ROBO1: variants seen among roughly 807,000 people sequenced by gnomAD.
ROBO1 encodes the protein roundabout guidance receptor 1.
ROBO1 carries 149 observed loss-of-function variants against 195.9 expected under a neutral mutation model. The observed-to-expected ratio is 0.76, with a 90% CI of 0.67 to 0.87. The LOEUF is 0.87. Ranked by LOEUF, ROBO1 falls within the 40% of genes least tolerant of loss-of-function variation. The pLI is 0.00. For missense variants in ROBO1, 1,933 were observed against 2,068.3 expected (o/e 0.93, Z 1.27); for synonymous variants, 816 against 733.2 (o/e 1.11, Z -1.82).
chr3:79,287,922 A>T (rs1234837209), intron 2 of ROBO1, among the ~76,000 whole-genome samples: 1 of 151,954 alleles, frequency 6.6e-6, no homozygotes, highest in East Asian at 1.9e-4. Flanking sequence ...TATTGATGTA[A>T]ATTGAATTCA....
intron 2 of ROBO1, among the ~76,000 whole-genome samples, chr3:79,577,036 G>A (rs1394740115): frequency 6.6e-6 from 1 of 151,940 alleles, no homozygotes; most frequent in Non-Finnish European, 1.5e-5. Flanking sequence ...TCTGGTCTAT[G>A]TTTTCAATCG....
intron 3 of ROBO1, among the ~76,000 whole-genome samples, chr3:78,944,364 GCT>G (rs993684828): frequency 6.6e-6 from 1 of 152,202 alleles, no homozygotes; most frequent in African/African-American, 2.4e-5. Context: ...GAGCTCTCCT[GCT>G]CTCTTTTTCT....
chr3:79,430,267 TTCA>T (rs1361348787), intron 2 of ROBO1, among the ~76,000 whole-genome samples: 1 of 152,072 alleles, frequency 6.6e-6, no homozygotes, highest in Non-Finnish European at 1.5e-5. Context: ...AGAAATTAAG[TTCA>T]ATAAAAATAA....
intron 2 of ROBO1, among the ~76,000 whole-genome samples, chr3:79,144,519 C>G (rs1351419588): frequency 1.3e-5 from 2 of 151,086 alleles, no homozygotes; most frequent in East Asian, 1.9e-4. Flanking sequence ...TTAAATCCTT[C>G]TTTTCTTTAT....
chr3:79,572,646 G>A (rs958367227), intron 2 of ROBO1, among the ~76,000 whole-genome samples: 14 of 152,018 alleles, frequency 9.2e-5, no homozygotes, highest in Non-Finnish European at 1.9e-4. Context: ...GACATATGTA[G>A]ATTATATCCT....
intron 4 of ROBO1, among the ~76,000 whole-genome samples, chr3:78,885,940 T>TATATATATATATATAC (rs1043908565): frequency 2.1e-5 from 3 of 140,806 alleles, no homozygotes; most frequent in African/African-American, 5.2e-5. Context: ...TATATATATA[T>TATATATATATATATAC]ACATACATAT....
At chr3:79,135,280 G>C (rs544160897) in intron 2 of ROBO1, among the ~76,000 whole-genome samples, 89 of 152,156 alleles carry the variant, frequency 5.8e-4, no homozygotes, top group African/African-American at 2.0e-3. Context: ...TGCTAACTTG[G>C]AAGTAAAAAA....
At chr3:78,987,923 T>G (rs547565213) in intron 3 of ROBO1, among the ~76,000 whole-genome samples, 10 of 152,098 alleles carry the variant, frequency 6.6e-5, no homozygotes, top group South Asian at 2.1e-4. Flanking sequence ...CATAATTATA[T>G]TATATAAAGT....
chr3:78,793,338 C>T (rs1054234893), intron 4 of ROBO1, among the ~76,000 whole-genome samples: 2 of 152,102 alleles, frequency 1.3e-5, no homozygotes, highest in Non-Finnish European at 2.9e-5. Context: ...TAAAAGATAG[C>T]GATATCTGTC....
At chr3:78,599,338 C>T (rs1703033526) in intron 30 of ROBO1, among the ~76,000 whole-genome samples, 1 of 152,196 alleles carries the variant, frequency 6.6e-6, no homozygotes. Context: ...TGAAAAACAA[C>T]TTCTCTGTTT....
intron 2 of ROBO1, among the ~76,000 whole-genome samples, chr3:79,287,107 G>A (rs2031934185): frequency 6.6e-6 from 1 of 152,168 alleles, no homozygotes; most frequent in African/African-American, 2.4e-5. Flanking sequence ...ATGACATCAT[G>A]TAATGGTAAC....
chr3:79,211,523 A>C (rs1035531218), intron 2 of ROBO1, among the ~76,000 whole-genome samples: 2 of 152,110 alleles, frequency 1.3e-5, no homozygotes, highest in Non-Finnish European at 2.9e-5. Flanking sequence ...CTTGAACAGC[A>C]GAGTAGGTAA....
chr3:78,598,583 A>G lies in ROBO1; in HGVS notation c.*330T>C, dbSNP rs2107200116. 4.5e-6 allele frequency: 1 copy of G among 220,470 alleles called. No individual in the cohort carries two copies. Among genetic ancestry groups the G allele is most frequent in the Admixed American group, 5.6e-5 (1 of 17,886 alleles). 13.7% of individuals were successfully genotyped at this position (220,470 alleles called of 1,614,324 possible). A position where few individuals can be genotyped will look rare whatever the true frequency, so the allele number is the denominator to read the frequency against. ...TATAAGCAGTGCAATGCCATATCTC[A>G]GCGGCAAAATGCAAAAGAACAGTTT... On this transcript the variant is annotated 3_prime_UTR_variant, in exon 31 of 31. Transcript: ENST00000464233.
chr3:79,685,609 C>T (rs1947080904), intron 1 of ROBO1, among the ~76,000 whole-genome samples: 1 of 152,142 alleles, frequency 6.6e-6, no homozygotes, highest in African/African-American at 2.4e-5. Flanking sequence ...TGAAAGTTCT[C>T]TGAGAATGGG....
chr3:79,325,164 C>T (rs569552541), intron 2 of ROBO1, among the ~76,000 whole-genome samples: 4 of 152,254 alleles, frequency 2.6e-5, no homozygotes, highest in African/African-American at 9.6e-5. Flanking sequence ...TTGATTTATA[C>T]AAAGGTAATT....
chr3:79,489,648 T>G (rs1575903597), intron 2 of ROBO1, among the ~76,000 whole-genome samples: 1 of 120,884 alleles, frequency 8.3e-6, no homozygotes, highest in South Asian at 2.7e-4. Flanking sequence ...TGAGACTTCA[T>G]CTCAAAAAAA....
intron 2 of ROBO1, among the ~76,000 whole-genome samples, chr3:79,560,894 G>A (rs1942893491): frequency 6.6e-6 from 1 of 152,126 alleles, no homozygotes; most frequent in Non-Finnish European, 1.5e-5. Flanking sequence ...GCTATGATAT[G>A]TATATACAAT....
chr3:79,710,641 T>C (rs1220817530), intron 1 of ROBO1, among the ~76,000 whole-genome samples: 1 of 152,072 alleles, frequency 6.6e-6, no homozygotes, highest in African/African-American at 2.4e-5. Context: ...AATTGGTAAG[T>C]ATGTAAATAA....
intron 2 of ROBO1, among the ~76,000 whole-genome samples, chr3:79,290,870 T>G (rs181365032): frequency 6.6e-6 from 1 of 152,292 alleles, no homozygotes; most frequent in Admixed American, 6.5e-5. Context: ...TATGCTGTCA[T>G]CTAATTCTCT....
Sources: allele counts gnomAD v4.1 joint callset (sites outside exome capture counted in the v4.1 genomes callset), GRCh38; gene constraint gnomAD v4.1.1; transcripts MANE v1.5; gene names NCBI Gene and HGNC (gene_info 2026-07-23, HGNC 2026-07-21).